MICOS13: variants seen among roughly 807,000 people sequenced by gnomAD.
MICOS13 encodes MICOS complex subunit MIC13.
Under a neutral mutation model 16.1 loss-of-function variants are expected in MICOS13, and 15 were observed. The ratio of observed to expected loss-of-function variants is 0.93; its 90% confidence interval spans 0.62 to 1.44. The LOEUF is 1.44. Among genes scored for constraint, MICOS13 ranks in the 40% most tolerant of loss-of-function variants. MICOS13 has a pLI of 0.00. For missense variants in MICOS13, 164 were observed against 155.0 expected (o/e 1.06, Z -0.31); for synonymous variants, 61 against 62.6 (o/e 0.97, Z 0.12).
At chr19:5,680,329 T>G in intron 1 of MICOS13, 129 bp downstream of exon 1, 1 of 1,606,620 alleles carries the variant, frequency 6.2e-7, no homozygotes, top group Non-Finnish European at 8.5e-7. Flanking sequence ...ATCTGGCCCA[T>G]AGGCGGGGAA....
At position 5,680,322 on chromosome 19, in the gene MICOS13, T is replaced by C; in HGVS notation, c.29+136A>G. Reference sequence around the variant, plus strand: ...CCTCTGAAGCCTCAGTTTCCCTATCTGGCCCATAGGCGGGGAACGAAGGGG... The same window carrying C: ...CCTCTGAAGCCTCAGTTTCCCTATCCGGCCCATAGGCGGGGAACGAAGGGG... On this transcript the variant is annotated intron_variant, in intron 1 of 3. Transcript: ENST00000309324. The C allele has an allele frequency of 2.5e-6, 4 of 1,608,710 alleles. No individual in the cohort carries two copies. The South Asian group carries it at 4.4e-5, about 18-fold the overall frequency.
chr19:5,680,255 G>A, intron 1 of MICOS13: 6 of 1,574,862 alleles, frequency 3.8e-6, no homozygotes, highest in African/African-American at 1.3e-5. Flanking sequence ...GGCTCGCTGG[G>A]AAGCAGGAGG....
Position 5,679,073 on chromosome 19 carries a change from G to A in MICOS13, c.259+272C>T, listed in dbSNP as rs1360077238. On this transcript the variant is annotated intron_variant, in intron 3 of 3. Coordinates refer to ENST00000309324, the MANE Select transcript of MICOS13 (RefSeq NM_205767.3). ...ATTACAGGTGTGCACCACCACGCAC[G>A]GTTAATTTTTGTATTTTTAGTAGAG... 1.1e-5 allele frequency: 5 copies of A among 442,816 alleles called. No individual in the cohort carries two copies. The Admixed American group carries it at 1.5e-4, about 14-fold the overall frequency. The allele number at this position is 442,816 out of a possible 1,614,324, so 27.4% of individuals were successfully genotyped here.
chr19:5,680,047 AT>A, intron 1 of MICOS13: 1 of 1,523,032 alleles, frequency 6.6e-7, no homozygotes, highest in Non-Finnish European at 8.7e-7. Flanking sequence ...AAGACGTAAG[AT>A]CTTGACCTTC....
chr19:5,679,281 A>G (rs2054487027), intron 3 of MICOS13, 64 bp downstream of exon 3: 3 of 1,495,972 alleles, frequency 2.0e-6, no homozygotes, highest in African/African-American at 2.8e-5. Context: ...AGGAATGGCC[A>G]GGAAGTGGGG....
chr19:5,680,391 G>A, intron 1 of MICOS13, 67 bp downstream of exon 1: 1 of 1,608,704 alleles, frequency 6.2e-7, no homozygotes, highest in Non-Finnish European at 8.5e-7. Context: ...GACCAGACTG[G>A]AGACAGGGAT....
chr19:5,679,481 G>C, intron 2 of MICOS13, 85 bp from the exon 3 acceptor site: 1 of 1,593,020 alleles, frequency 6.3e-7, no homozygotes, highest in African/African-American at 1.3e-5. Context: ...ACAGGCCGGA[G>C]AATCAGGTCA....
intron 1 of MICOS13, chr19:5,680,054 C>T (rs2054504671): frequency 5.9e-6 from 9 of 1,523,318 alleles, no homozygotes; most frequent in East Asian, 2.4e-5. Flanking sequence ...AAGATCTTGA[C>T]CTTCTAGAAG....
intron 3 of MICOS13, 92 bp from the exon 4 acceptor site, chr19:5,678,740 T>TG (rs1024152386): frequency 2.8e-5 from 5 of 176,140 alleles, no homozygotes; most frequent in African/African-American, 7.9e-5. Context: ...TTTTGGGCGG[T>TG]GGGGGGTGGG....
At position 5,678,666 on chromosome 19, in the gene MICOS13, C is replaced by A; in HGVS notation, c.260-18G>T. The A allele has an allele frequency of 6.6e-7, 1 of 1,507,118 alleles. No individual in the cohort carries two copies. The highest frequency in any genetic ancestry group is 2.2e-5 in the Admixed American group (1 of 46,378). The allele number at this position is 1,507,118 out of a possible 1,614,324, so 93.4% of individuals were successfully genotyped here. A position where few individuals can be genotyped will look rare whatever the true frequency, so the allele number is the denominator to read the frequency against. ...CATGATGCCTGTGGGAAAGGGACGG[C>A]CACTGGTGATACTCCCCTCCCAGCC... is the stretch of plus-strand genomic sequence containing the variant. On this transcript the variant is annotated intron_variant, in intron 3 of 3. Transcript: ENST00000309324.
At chr19:5,678,724 A>C in intron 3 of MICOS13, 76 bp from the exon 4 acceptor site, 1 of 429,076 alleles carries the variant, frequency 2.3e-6, no homozygotes, top group Non-Finnish European at 3.5e-6. Flanking sequence ...GAAACTCTAG[A>C]GTTTGTTTTG....
Position 5,680,101 on chromosome 19 carries a change from C to T in MICOS13, c.30-338G>A, listed in dbSNP as rs1405816811. 6 of 1,535,554 alleles carry T rather than the reference C, an allele frequency of 3.9e-6. No individual in the cohort carries two copies. The African/African-American group carries it at 6.8e-5, about 18-fold the overall frequency. On this transcript the variant is annotated intron_variant, in intron 1 of 3. Transcript: ENST00000309324. ...TGGAGAAACCAAGTGTCCCTGGGCG[C>T]CTCCTGCCCGCTGTCACTCGCAGCT...
At chr19:5,680,264 G>C in intron 1 of MICOS13, 194 bp downstream of exon 1, 1 of 1,585,726 alleles carries the variant, frequency 6.3e-7, no homozygotes, top group South Asian at 1.1e-5. Flanking sequence ...GGAAGCAGGA[G>C]GGAGGGGATT....
Position 5,679,704 on chromosome 19 carries a change from A to G in MICOS13, c.89T>C (p.Leu30Pro), listed in dbSNP as rs778552002. The change falls in exon 2 of 4, where the codon CTG (leucine) becomes CCG (proline). Residue 30 changes from leucine (L) to proline (P), a missense_variant. Physicochemically the swap from Leu to Pro is moderately conservative, Grantham distance 98. Transcript: ENST00000309324. ...GAVYLVYDQELLGPSDKSQAA... is the reference protein window; with the variant it reads ...GAVYLVYDQEPLGPSDKSQAA... Reference sequence around the variant, plus strand: ...CTGGCTCTTGTCGCTGGGCCCCAGCAGCTCCTGGTCGTACACCAGGTAGAC... The same window carrying G: ...CTGGCTCTTGTCGCTGGGCCCCAGCGGCTCCTGGTCGTACACCAGGTAGAC... 1.3e-5 allele frequency: 21 copies of G among 1,609,884 alleles called. No individual in the cohort carries two copies. The highest frequency in any genetic ancestry group is 1.7e-5 in the Non-Finnish European group (20 of 1,179,190).
intron 1 of MICOS13, 35 bp from the exon 2 acceptor site, chr19:5,679,798 G>A (rs1399714756): frequency 3.2e-6 from 5 of 1,552,030 alleles, no homozygotes; most frequent in East Asian, 2.4e-5. Context: ...GAAGCTCAGC[G>A]GACACTGACA....
chr19:5,679,807 C>G (rs1157369982), intron 1 of MICOS13, 44 bp from the exon 2 acceptor site: 6 of 1,538,954 alleles, frequency 3.9e-6, no homozygotes, highest in Non-Finnish European at 5.2e-6. Context: ...CGGACACTGA[C>G]AGCCACCCTC....
intron 2 of MICOS13, 91 bp from the exon 3 acceptor site, chr19:5,679,487 G>T: frequency 6.3e-7 from 1 of 1,592,438 alleles, no homozygotes; most frequent in Non-Finnish European, 8.6e-7. Flanking sequence ...CGGAGAATCA[G>T]GTCAGCATCA....
At chr19:5,679,456 G>A (rs2054491327) in intron 2 of MICOS13, 60 bp from the exon 3 acceptor site, 1 of 1,596,560 alleles carries the variant, frequency 6.3e-7, no homozygotes, top group Non-Finnish European at 8.6e-7. Context: ...CATCCCCAGA[G>A]GCGGAGGGAG....
At position 5,678,533 on chromosome 19, in the gene MICOS13, G is replaced by T. The variant is rs1403171811; in HGVS notation, c.*18C>A. 1.9e-6 allele frequency: 3 copies of T among 1,545,614 alleles called. No homozygotes were observed. The African/African-American group carries it at 4.1e-5, about 21-fold the overall frequency. ...GCCCTGCCCGTTCTGGCCGGGGCAG[G>T]CGGCCCCTGCTGACTCGCTACTTGG... On this transcript the variant is annotated 3_prime_UTR_variant, in exon 4 of 4. Coordinates refer to ENST00000309324, the MANE Select transcript of MICOS13 (RefSeq NM_205767.3).
Sources: gnomAD v4.1 joint callset for allele counts on GRCh38, gnomAD v4.1.1 for gene constraint, MANE v1.5 for transcripts, NCBI Gene and HGNC (gene_info 2026-07-23, HGNC 2026-07-21) for gene names.